The following GPC6 variants were observed in gnomAD, a reference collection of about 807,000 sequenced individuals.
GPC6 encodes the protein glypican-6.
In GPC6, 14 loss-of-function variants were observed where a neutral mutation model predicts 55.2. The ratio of observed to expected loss-of-function variants is 0.25; its 90% CI spans 0.17 to 0.40. GPC6 has a LOEUF of 0.40. Among genes scored for constraint, GPC6 ranks in the 10% least tolerant of loss-of-function variants. GPC6 has a pLI of 1.00. For missense variants in GPC6, 641 were observed against 708.5 expected (o/e 0.90, Z 1.08); for synonymous variants, 278 against 259.6 (o/e 1.07, Z -0.68).
chr13:94,039,337 A>G (rs1566322646), intron 4 of GPC6, among the ~76,000 whole-genome samples: 1 of 151,922 alleles, frequency 6.6e-6, no homozygotes, highest in East Asian at 1.9e-4. Context: ...GATGGATGAG[A>G]CTTGTGGTAG....
rs188090807 is a variant in GPC6, at chr13:94,357,999, C to T, written c.1153-24415C>T. On this transcript the variant is annotated intron_variant, in intron 6 of 8. Coordinates refer to ENST00000377047, the MANE Select transcript of GPC6 (RefSeq NM_005708.5). The stretch of plus-strand genomic sequence containing the variant: ...TGACTGAATGCATGAACACATGCAG[C>T]GATACAGCCATTGCCATTGGTCTTT... Among the ~76,000 whole-genome samples the T allele has an allele frequency of 7.9e-5, 12 of 152,216 alleles. 1 individual carries two copies. The highest frequency in any genetic ancestry group is 1.9e-4 in the East Asian group (1 of 5,180).
intron 3 of GPC6, among the ~76,000 whole-genome samples, chr13:93,934,096 G>T (rs542750878): frequency 9.9e-5 from 15 of 152,074 alleles, no homozygotes; most frequent in Admixed American, 7.2e-4. Flanking sequence ...CACTAGTTTC[G>T]CCATGGTGAG....
intron 5 of GPC6, among the ~76,000 whole-genome samples, chr13:94,287,503 A>G (rs190044692): frequency 6.6e-6 from 1 of 152,152 alleles, no homozygotes; most frequent in Non-Finnish European, 1.5e-5. Flanking sequence ...CATGATTCAA[A>G]CTAGGTTTGG....
At chr13:94,150,463 G>A (rs1251474384) in intron 4 of GPC6, among the ~76,000 whole-genome samples, 2 of 152,070 alleles carry the variant, frequency 1.3e-5, no homozygotes, top group African/African-American at 4.8e-5. Context: ...GACTCCTGCT[G>A]ACCTTCCAGC....
At chr13:93,782,521 A>G (rs908127641) in intron 2 of GPC6, among the ~76,000 whole-genome samples, 1 of 152,146 alleles carries the variant, frequency 6.6e-6, no homozygotes, top group Non-Finnish European at 1.5e-5. Context: ...TGTTTTCCAT[A>G]ATGGCTGTAT....
In GPC6 at chr13:93,721,623, G is replaced by A. The variant is rs139519991; in HGVS notation, c.320-108531G>A. ...TTCTGCCCGTGTGTTTAGTCAGACA[G>A]CACAGTTGCAAGAAAGCCACACCTG... On this transcript the variant is annotated intron_variant, in intron 2 of 8. Transcript: ENST00000377047. Among the ~76,000 whole-genome samples, 40 of 151,854 alleles carry A rather than the reference G, an allele frequency of 2.6e-4. No individual in the cohort carries two copies. The East Asian group carries it at 7.0e-3, about 27-fold the overall frequency.
chr13:93,960,746 A>G (rs1262210047), intron 3 of GPC6, among the ~76,000 whole-genome samples: 1 of 150,646 alleles, frequency 6.6e-6, no homozygotes, highest in African/African-American at 2.4e-5. Context: ...CCACTGCTGT[A>G]TTCATGTGGA....
intron 3 of GPC6, among the ~76,000 whole-genome samples, chr13:93,842,199 C>T (rs772065187): frequency 5.3e-5 from 8 of 152,084 alleles, no homozygotes; most frequent in African/African-American, 1.9e-4. Context: ...AAGCACTTTG[C>T]AGAAGTCTTT....
chr13:93,218,966 G>A, the GPC6 span, among the ~76,000 whole-genome samples: 1 of 152,076 alleles, frequency 6.6e-6, no homozygotes, highest in African/African-American at 2.4e-5. Context: ...CAGCCTGGTT[G>A]TTGGTATGTT....
Position 93,909,939 on chromosome 13 carries a change from C to A in GPC6, c.711+79394C>A, listed in dbSNP as rs531870415. Among the ~76,000 whole-genome samples the A allele has an allele frequency of 4.7e-4, 71 of 152,198 alleles. 1 individual carries two copies. Among genetic ancestry groups the A allele is most frequent in the Admixed American group, 4.2e-3 (64 of 15,274 alleles). On this transcript the variant is annotated intron_variant, in intron 3 of 8. Coordinates refer to ENST00000377047, the MANE Select transcript of GPC6 (RefSeq NM_005708.5). ...AACAACGTAGATTCCTCCACCTCCC[C>A]GCTCCTACCCACCCCAGGGCCAGGG...
intron 2 of GPC6, among the ~76,000 whole-genome samples, chr13:93,765,232 T>TTGTCTGGAAAGACAACTTTCCAGATAAGC (rs71703802): frequency 0.13 from 11,929 of 94,646 alleles, 3,505 homozygotes; most frequent in African/African-American, 0.34. Flanking sequence ...AAAAGATAAA[T>TTGTCTGGAAAGACAACTTTCCAGATAAGC]TGTCTGGAAA....
At chr13:94,241,703 C>T (rs1055583105) in intron 4 of GPC6, among the ~76,000 whole-genome samples, 1 of 151,982 alleles carries the variant, frequency 6.6e-6, no homozygotes, top group East Asian at 1.9e-4. Context: ...GTATTAACTT[C>T]CAAAGAGTAA....
intron 4 of GPC6, among the ~76,000 whole-genome samples, chr13:94,046,098 G>A (rs945162095): frequency 4.0e-5 from 6 of 151,714 alleles, no homozygotes; most frequent in South Asian, 2.1e-4. Context: ...TCCACTCAGC[G>A]GACTGCCAAC....
At chr13:93,348,329 T>C (rs1880501004) in intron 1 of GPC6, among the ~76,000 whole-genome samples, 1 of 152,230 alleles carries the variant, frequency 6.6e-6, no homozygotes, top group South Asian at 2.1e-4. Flanking sequence ...AAAGAACTTC[T>C]TCAATGTCTT....
intron 2 of GPC6, among the ~76,000 whole-genome samples, chr13:93,828,207 T>C (rs1887336610): frequency 1.3e-5 from 2 of 152,136 alleles, no homozygotes; most frequent in South Asian, 4.1e-4. Flanking sequence ...TCCAGTCTCA[T>C]TGTATTAGTA....
chr13:94,269,550 C>T (rs1474406916), intron 4 of GPC6, among the ~76,000 whole-genome samples: 1 of 152,174 alleles, frequency 6.6e-6, no homozygotes, highest in Non-Finnish European at 1.5e-5. Context: ...TCTTTTTAAT[C>T]AGCTACCCCG....
At chr13:93,612,425 G>C (rs886714926) in intron 2 of GPC6, among the ~76,000 whole-genome samples, 44 of 151,736 alleles carry the variant, frequency 2.9e-4, no homozygotes, top group Non-Finnish European at 1.2e-4. Flanking sequence ...CGTGAACCCG[G>C]GAGGCGGAGC....
chr13:94,111,797 A>T (rs1344222943), intron 4 of GPC6, among the ~76,000 whole-genome samples: 1 of 152,124 alleles, frequency 6.6e-6, no homozygotes, highest in African/African-American at 2.4e-5. Flanking sequence ...CCAGGATAGA[A>T]TGGGTATTCA....
chr13:93,889,841 C>G (rs1325506754), intron 3 of GPC6, among the ~76,000 whole-genome samples: 1 of 152,044 alleles, frequency 6.6e-6, no homozygotes. Flanking sequence ...ATCTCTGCCT[C>G]TTGCTTTTAT....
Sources: allele counts gnomAD v4.1 joint callset (sites outside exome capture counted in the v4.1 genomes callset), GRCh38; gene constraint gnomAD v4.1.1; transcripts MANE v1.5; gene names NCBI Gene and HGNC (gene_info 2026-07-23, HGNC 2026-07-21).